The following ATP8B4 variants were observed in gnomAD, a reference collection of about 807,000 sequenced individuals.
ATP8B4 encodes the protein ATPase phospholipid transporting 8B4 (putative).
A neutral mutation model predicts 145.6 loss-of-function variants in ATP8B4; 133 were observed. The ratio of observed to expected loss-of-function variants is 0.91; its 90% CI spans 0.79 to 1.05. The LOEUF is 1.05. Ranked by LOEUF, ATP8B4 falls within the 50% of genes least tolerant of loss-of-function variation. The pLI is 0.00. For missense variants in ATP8B4, 1,458 were observed against 1,425.2 expected (o/e 1.02, Z -0.37); for synonymous variants, 507 against 492.9 (o/e 1.03, Z -0.38).
At chr15:50,128,868 G>C (rs984242150) in intron 1 of ATP8B4, among the ~76,000 whole-genome samples, 3 of 152,140 alleles carry the variant, frequency 2.0e-5, no homozygotes, top group African/African-American at 7.2e-5. Context: ...AGGAGTTCGA[G>C]ACCAGACTGA....
intron 5 of ATP8B4, 65 bp downstream of exon 5, chr15:50,044,529 T>C (rs975352664): frequency 1.8e-5 from 20 of 1,120,810 alleles, no homozygotes; most frequent in Admixed American, 6.8e-5. Context: ...GTATCTTCAT[T>C]ATCTATTTCT....
chr15:50,179,631 G>C (rs192409245), intron 1 of ATP8B4, among the ~76,000 whole-genome samples: 23 of 126,356 alleles, frequency 1.8e-4, no homozygotes, highest in Non-Finnish European at 2.9e-4. Flanking sequence ...AGAGCCTTTG[G>C]GGAGTAATTT....
intron 20 of ATP8B4, chr15:49,901,785 A>G (rs1173481422): frequency 2.4e-6 from 1 of 414,676 alleles, no homozygotes; most frequent in South Asian, 1.8e-5. Flanking sequence ...GATGGTACTT[A>G]CTGAATTGGC....
chr15:49,875,055 G>A (rs935759318), intron 25 of ATP8B4, among the ~76,000 whole-genome samples: 4 of 152,110 alleles, frequency 2.6e-5, no homozygotes, highest in African/African-American at 9.7e-5. Flanking sequence ...ACCAAAAATT[G>A]TAGGGTTAAT....
chr15:49,931,004 A>T, intron 16 of ATP8B4, 115 bp downstream of exon 16: 1 of 1,153,720 alleles, frequency 8.7e-7, no homozygotes, highest in Non-Finnish European at 1.2e-6. Context: ...GTTTATACAT[A>T]AAGTTTCAAA....
Position 50,114,103 on chromosome 15 carries a change from CTTTTTTTTTT to C in ATP8B4, c.-43+5010_-43+5019del, listed in dbSNP as rs755159123. ...ATTTTCCTTCTTGGTCTCCTAGTTT[CTTTTTTTTTT>C]TTTTTTTTTTTTTTTAATTTTCATA... On this transcript the variant is annotated intron_variant, in intron 1 of 27. Transcript: ENST00000284509. Among the ~76,000 whole-genome samples, 12 of 55,654 alleles carry C rather than the reference CTTTTTTTTTT, an allele frequency of 2.2e-4. 1 individual carries two copies. In the South Asian group the frequency reaches 8.0e-3, roughly 37 times the overall value. The allele number at this position is 55,654 out of a possible 152,430, so 36.5% of individuals were successfully genotyped here.
chr15:49,947,356 G>T (rs746648986), intron 14 of ATP8B4, among the ~76,000 whole-genome samples: 1 of 151,354 alleles, frequency 6.6e-6, no homozygotes, highest in African/African-American at 2.4e-5. Flanking sequence ...ACTTGAACCT[G>T]GGAGGCAGAG....
At chr15:49,890,529 A>G (rs886196843) in intron 23 of ATP8B4, among the ~76,000 whole-genome samples, 4 of 152,156 alleles carry the variant, frequency 2.6e-5, no homozygotes, top group African/African-American at 9.7e-5. Flanking sequence ...CACCCAACAC[A>G]TGGTGTTGGA....
chr15:49,878,999 C>G (rs1402902780), intron 24 of ATP8B4, among the ~76,000 whole-genome samples: 2 of 152,172 alleles, frequency 1.3e-5, no homozygotes, highest in Non-Finnish European at 2.9e-5. Context: ...ACCACAGACA[C>G]TAGTTCTGAG....
In ATP8B4 at chr15:49,920,291, A is replaced by T. The variant is rs769150801; in HGVS notation, c.1878T>A (p.Asp626Glu). ...EDANAATEER[D>E]ERIAGLYEEI... ...CTTCATATAGCCCAGCTATTCGTTC[A>T]TCCCTCTCTTCTGTGGCAGCATTCG... Residue 626 changes from aspartate to glutamate, a missense_variant, in exon 18 of 28, where the codon GAT becomes GAA. Coordinates refer to ENST00000284509, the MANE Select transcript of ATP8B4 (RefSeq NM_024837.4). 2.5e-6 allele frequency: 4 copies of T among 1,614,192 alleles called. No homozygotes were observed. In the South Asian group the frequency reaches 3.3e-5, roughly 13 times the overall value.
chr15:49,896,607 CA>C (rs1241618860), intron 23 of ATP8B4: 13 of 152,234 alleles, frequency 8.5e-5, no homozygotes, highest in Non-Finnish European at 1.8e-4. Flanking sequence ...GCCATATCTA[CA>C]TTTAAGTTTT....
chr15:50,002,115 T>TA, intron 8 of ATP8B4, 38 bp downstream of exon 8: 1 of 1,523,968 alleles, frequency 6.6e-7, no homozygotes, highest in African/African-American at 1.4e-5. Context: ...TTAAATAAAT[T>TA]AAAAACCAAC....
At chr15:50,009,166 A>T (rs1461325274) in intron 7 of ATP8B4, 2 of 152,220 alleles carry the variant, frequency 1.3e-5, no homozygotes, top group African/African-American at 4.8e-5. Flanking sequence ...TTCTTCTTAG[A>T]CAAAGAACCC....
At chr15:50,011,903 AT>A (rs772959055) in intron 6 of ATP8B4, among the ~76,000 whole-genome samples, 31 of 152,234 alleles carry the variant, frequency 2.0e-4, no homozygotes, top group East Asian at 3.9e-4. Context: ...TTTAAAAAAA[AT>A]AACCTAATTT....
At chr15:49,978,257 G>A (rs566864545) in intron 12 of ATP8B4, among the ~76,000 whole-genome samples, 1 of 152,296 alleles carries the variant, frequency 6.6e-6, no homozygotes, top group Admixed American at 6.5e-5. Flanking sequence ...AGCTCTTCCG[G>A]CAAAGAGCAG....
intron 1 of ATP8B4, among the ~76,000 whole-genome samples, chr15:50,118,891 AT>A (rs1171453657): frequency 3.3e-5 from 5 of 151,596 alleles, no homozygotes; most frequent in Non-Finnish European, 7.4e-5. Flanking sequence ...AAAAATAGAC[AT>A]TTCAAACAAC....
At position 50,086,599 on chromosome 15, in the gene ATP8B4, T is replaced by C. The variant is rs1383199794; in HGVS notation, c.29-12414A>G. ...TATATAATAAAATAATATAGAGATC[T>C]ATATTTATTATATATAATAAAATAA... On this transcript the variant is annotated intron_variant, in intron 2 of 27. Transcript: ENST00000284509. Among the ~76,000 whole-genome samples the C allele has an allele frequency of 1.5e-4, 18 of 116,478 alleles. No homozygotes were observed. The East Asian group carries it at 4.4e-3, about 28-fold the overall frequency. The allele number at this position is 116,478 out of a possible 152,430, so 76.4% of individuals were successfully genotyped here. A position where few individuals can be genotyped will look rare whatever the true frequency, so the allele number is the denominator to read the frequency against.
intron 1 of ATP8B4, among the ~76,000 whole-genome samples, chr15:50,144,227 G>C (rs759973836): frequency 2.6e-5 from 4 of 152,198 alleles, no homozygotes; most frequent in Non-Finnish European, 5.9e-5. Context: ...AAAGCCTAAA[G>C]TATGATGATG....
intron 1 of ATP8B4, among the ~76,000 whole-genome samples, chr15:50,144,864 C>A (rs2044256859): frequency 6.6e-6 from 1 of 152,112 alleles, no homozygotes; most frequent in South Asian, 2.1e-4. Flanking sequence ...CTCCTGGAAG[C>A]CGTCACGGAC....
Sources: gnomAD v4.1 joint callset for allele counts (sites outside exome capture counted in the v4.1 genomes callset) on GRCh38, gnomAD v4.1.1 for gene constraint, MANE v1.5 for transcripts, NCBI Gene and HGNC (gene_info 2026-07-23, HGNC 2026-07-21) for gene names.